TBL1XR1: variants seen among roughly 807,000 people sequenced by gnomAD.
TBL1XR1 encodes the protein F-box-like/WD repeat-containing protein TBL1XR1.
Under a neutral mutation model 66.9 loss-of-function variants are expected in TBL1XR1, and 5 were observed. That is an observed-to-expected ratio of 0.07 (90% CI 0.04 to 0.16). TBL1XR1 has a LOEUF of 0.16. TBL1XR1 is among the 10% of genes least tolerant of loss of function. The pLI, the probability that TBL1XR1 is intolerant of heterozygous loss-of-function variation, is 1.00. For synonymous variants in TBL1XR1, 210 were observed against 206.0 expected, an observed-to-expected ratio of 1.02 and a Z score of -0.17; for missense variants, 238 against 623.2, an observed-to-expected ratio of 0.38 and a Z score of 6.58.
rs1189595109 is a variant in TBL1XR1 at position 177,185,173 on chromosome 3, C to T, written c.-122+11948G>A. ...ATCTGACTACATAATCTACCTACCCCAACAGCATTGTTATCAGTCTCTTCC... is the reference window on the plus strand; with the variant it reads ...ATCTGACTACATAATCTACCTACCCTAACAGCATTGTTATCAGTCTCTTCC... On this transcript the variant is annotated intron_variant, in intron 1 of 15. Transcript: ENST00000457928. Among the ~76,000 whole-genome samples, 4 of 152,164 alleles carry T rather than the reference C, an allele frequency of 2.6e-5. No homozygotes were observed. The East Asian group carries it at 7.7e-4, about 29-fold the overall frequency.
intron 10 of TBL1XR1, 112 bp downstream of exon 10, chr3:177,046,017 A>G (rs1716282532): frequency 1.2e-6 from 1 of 828,870 alleles, no homozygotes; most frequent in South Asian, 1.7e-5. Flanking sequence ...AGGACTAGTA[A>G]CAAGACTGAT....
intron 1 of TBL1XR1, among the ~76,000 whole-genome samples, chr3:177,166,347 G>C (rs993120346): frequency 1.6e-4 from 25 of 152,170 alleles, no homozygotes; most frequent in Non-Finnish European, 7.3e-5. Context: ...ATATTAAACA[G>C]AGACCTTATT....
intron 1 of TBL1XR1, among the ~76,000 whole-genome samples, chr3:177,153,330 A>G (rs977561150): frequency 6.6e-6 from 1 of 152,298 alleles, no homozygotes; most frequent in East Asian, 1.9e-4. Flanking sequence ...AACAGCAGAT[A>G]CAAGTGGAAA....
chr3:177,161,240 G>C (rs1400015180), intron 1 of TBL1XR1, among the ~76,000 whole-genome samples: 1 of 152,082 alleles, frequency 6.6e-6, no homozygotes, highest in African/African-American at 2.4e-5. Context: ...CCCTGTGCCA[G>C]TCCTTGACTC....
intron 1 of TBL1XR1, among the ~76,000 whole-genome samples, chr3:177,181,687 C>A (rs1169725445): frequency 6.6e-6 from 1 of 152,006 alleles, no homozygotes; most frequent in African/African-American, 2.4e-5. Context: ...CATCCTTTGA[C>A]CTCTGAGGGA....
chr3:177,119,698 T>C (rs1209014395), intron 1 of TBL1XR1, among the ~76,000 whole-genome samples: 1 of 152,248 alleles, frequency 6.6e-6, no homozygotes, highest in Non-Finnish European at 1.5e-5. Flanking sequence ...ATTATACTTC[T>C]GTGACCATTT....
chr3:177,178,856 G>A (rs1415832229), intron 1 of TBL1XR1, among the ~76,000 whole-genome samples: 4 of 152,074 alleles, frequency 2.6e-5, no homozygotes, highest in African/African-American at 7.2e-5. Flanking sequence ...AGTGGTTCAC[G>A]CCTGTAACCC....
intron 12 of TBL1XR1, among the ~76,000 whole-genome samples, chr3:177,035,353 CTTT>C (rs1295377035): frequency 6.6e-5 from 10 of 150,908 alleles, no homozygotes; most frequent in Non-Finnish European, 1.3e-4. Context: ...CTAAGACTCA[CTTT>C]TTTAGGTCCC....
chr3:177,131,038 T>G (rs1728232005), intron 1 of TBL1XR1, among the ~76,000 whole-genome samples: 1 of 152,114 alleles, frequency 6.6e-6, no homozygotes, highest in African/African-American at 2.4e-5. Context: ...TATCACGCAG[T>G]CAGTAGCACA....
At position 177,179,208 on chromosome 3, in the gene TBL1XR1, T is replaced by G. The variant is rs536541233; in HGVS notation, c.-122+17913A>C. Among the ~76,000 whole-genome samples, 94 of 149,814 alleles carry G rather than the reference T, an allele frequency of 6.3e-4. 2 individuals carry two copies. The South Asian group carries it at 0.019, about 31-fold the overall frequency. ...AACCCCCTCCAAAAACTTCAAAGACTAAAAACATGGCCAAACTAGGCCAAC... is the reference window on the plus strand; with the variant it reads ...AACCCCCTCCAAAAACTTCAAAGACGAAAAACATGGCCAAACTAGGCCAAC... On this transcript the variant is annotated intron_variant, in intron 1 of 15. Coordinates refer to ENST00000457928, the MANE Select transcript of TBL1XR1 (RefSeq NM_024665.7).
intron 1 of TBL1XR1, among the ~76,000 whole-genome samples, chr3:177,119,470 C>T (rs1185949881): frequency 6.6e-6 from 1 of 152,066 alleles, no homozygotes; most frequent in Admixed American, 6.6e-5. Flanking sequence ...AGTAAATAGA[C>T]ATGAATGGTT....
rs78114002 is a variant in TBL1XR1 at position 177,043,583 on chromosome 3, A to G, written c.925+2546T>C. ...ACATCATTTTATTTTCAGCCTATTG[A>G]TATTTTTGTATTTGAAGTATATTTT... On this transcript the variant is annotated intron_variant, in intron 10 of 15. Transcript: ENST00000457928. 4.6e-5 allele frequency among the ~76,000 whole-genome samples: 7 copies of G among 152,120 alleles called. No individual in the cohort carries two copies. In the East Asian group the frequency reaches 1.4e-3, roughly 29 times the overall value.
intron 2 of TBL1XR1, among the ~76,000 whole-genome samples, chr3:177,087,343 T>A (rs73187524): frequency 0.083 from 12,679 of 152,050 alleles, 598 homozygotes; most frequent in Admixed American, 0.15. Context: ...GTCACTTTTT[T>A]AAAAAATATC....
intron 3 of TBL1XR1, among the ~76,000 whole-genome samples, chr3:177,058,831 G>T (rs772974450): frequency 6.6e-6 from 1 of 152,132 alleles, no homozygotes; most frequent in Non-Finnish European, 1.5e-5. Context: ...TTGTCCCTTT[G>T]ATAAGTGTGC....
intron 9 of TBL1XR1, 76 bp downstream of exon 9, chr3:177,047,224 G>C (rs1179389683): frequency 1.7e-6 from 2 of 1,188,062 alleles, no homozygotes; most frequent in East Asian, 2.6e-5. Flanking sequence ...TTATGTAATT[G>C]GCAGCTAAGA....
intron 1 of TBL1XR1, chr3:177,120,658 A>G (rs1402818067): frequency 6.6e-6 from 1 of 152,008 alleles, no homozygotes; most frequent in Non-Finnish European, 1.5e-5. Context: ...TAACTCACTG[A>G]TTTTCCTCTT....
At chr3:177,090,469 C>G (rs1722683414) in intron 2 of TBL1XR1, among the ~76,000 whole-genome samples, 1 of 148,380 alleles carries the variant, frequency 6.7e-6, no homozygotes, top group Non-Finnish European at 1.5e-5. Flanking sequence ...TGCTTGAGCC[C>G]AGGAGTTCAA....
chr3:177,198,319 C>T (rs937025698), upstream of TBL1XR1, among the ~76,000 whole-genome samples: 21 of 152,266 alleles, frequency 1.4e-4, no homozygotes, highest in Admixed American at 1.2e-3. Flanking sequence ...TATTTATCAT[C>T]TGGTGGGTCT....
At chr3:177,073,612 T>C (rs1720319315) in intron 2 of TBL1XR1, among the ~76,000 whole-genome samples, 1 of 152,166 alleles carries the variant, frequency 6.6e-6, no homozygotes, top group Admixed American at 6.5e-5. Flanking sequence ...GTAACAAATG[T>C]TTTACTGAGT....
Sources: allele counts gnomAD v4.1 joint callset (sites outside exome capture counted in the v4.1 genomes callset), GRCh38; gene constraint gnomAD v4.1.1; transcripts MANE v1.5; gene names NCBI Gene and HGNC (gene_info 2026-07-23, HGNC 2026-07-21).